Variants in FMN1 observed in about 807,000 individuals in gnomAD.
The protein encoded by FMN1 is formin 1, also known as formin-1.
A neutral mutation model predicts 132.4 loss-of-function variants in FMN1; 110 were observed. The observed-to-expected ratio is 0.83, with a 90% CI of 0.71 to 0.97. FMN1 has a LOEUF of 0.97. Ranked by LOEUF, FMN1 falls within the 50% of genes least tolerant of loss-of-function variation. FMN1 has a pLI of 0.00. For synonymous variants in FMN1, 722 were observed against 651.7 expected (o/e 1.11, Z -1.64); for missense variants, 1,792 against 1,705.3 (o/e 1.05, Z -0.90).
intron 17 of FMN1, among the ~76,000 whole-genome samples, chr15:32,824,669 C>T (rs1436821587): frequency 6.6e-6 from 1 of 152,180 alleles, no homozygotes; most frequent in African/African-American, 2.4e-5. Context: ...TCAAGGCTCA[C>T]TGGAGCCTCC....
intron 6 of FMN1, among the ~76,000 whole-genome samples, chr15:33,027,146 A>G (rs345868): frequency 0.74 from 112,290 of 151,892 alleles, 41,930 homozygotes; most frequent in African/African-American, 0.77. Context: ...GGAAGAGGTA[A>G]GCTCACATCA....
At chr15:32,873,058 A>C (rs1453957162) in intron 16 of FMN1, among the ~76,000 whole-genome samples, 1 of 152,236 alleles carries the variant, frequency 6.6e-6, no homozygotes, top group Non-Finnish European at 1.5e-5. Context: ...GCCACTGCTA[A>C]TCAGTTTGCC....
At chr15:32,919,770 T>G (rs2060776051) in intron 10 of FMN1, among the ~76,000 whole-genome samples, 1 of 152,196 alleles carries the variant, frequency 6.6e-6, no homozygotes, top group African/African-American at 2.4e-5. Flanking sequence ...AGATAAGTTA[T>G]GTTGGATTTC....
intron 4 of FMN1, among the ~76,000 whole-genome samples, chr15:33,147,621 G>A (rs2061073): frequency 0.041 from 6,307 of 152,286 alleles, 447 homozygotes; most frequent in African/African-American, 0.15. Context: ...AAAATGCACA[G>A]GCATAGAGCT....
intron 17 of FMN1, among the ~76,000 whole-genome samples, chr15:32,835,480 C>T (rs944608028): frequency 2.0e-5 from 3 of 152,278 alleles, no homozygotes; most frequent in South Asian, 2.1e-4. Context: ...AATTTCCAAA[C>T]CAAAGATGCT....
chr15:32,952,990 C>CA (rs2061687488), intron 9 of FMN1, among the ~76,000 whole-genome samples: 1 of 152,180 alleles, frequency 6.6e-6, no homozygotes, highest in Non-Finnish European at 1.5e-5. Context: ...AAGCTAAAGG[C>CA]AGTCCTCCCC....
intron 6 of FMN1, chr15:33,063,093 T>C (rs2141237843): frequency 6.6e-6 from 1 of 152,394 alleles, no homozygotes; most frequent in East Asian, 1.9e-4. Context: ...CAGGGCCTGC[T>C]GGGCGCCCAT....
chr15:33,134,741 C>T lies in FMN1; in HGVS notation c.1867+18307G>A, dbSNP rs1039168176. 2.0e-5 allele frequency among the ~76,000 whole-genome samples: 3 copies of T among 152,224 alleles called. No homozygotes were observed. The South Asian group carries it at 6.2e-4, about 32-fold the overall frequency. ...GGAAGGCCAGGTGCGGTGGCTCACG[C>T]CTATAATCCCAGCACTTTGGGAGGC... On this transcript the variant is annotated intron_variant, in intron 4 of 20. Transcript: ENST00000616417.
At chr15:32,781,403 C>T (rs567671084) in intron 19 of FMN1, among the ~76,000 whole-genome samples, 10 of 152,284 alleles carry the variant, frequency 6.6e-5, no homozygotes, top group South Asian at 2.1e-4. Flanking sequence ...CACATGCACA[C>T]GTTAGTTACA....
chr15:32,899,825 A>C, intron 14 of FMN1, 154 bp downstream of exon 14: 1 of 792,656 alleles, frequency 1.3e-6, no homozygotes. Context: ...TCGAAAGTGA[A>C]AAGAAAGCAA....
At chr15:33,141,673 G>A (rs562959423) in intron 4 of FMN1, among the ~76,000 whole-genome samples, 3 of 152,272 alleles carry the variant, frequency 2.0e-5, no homozygotes, top group African/African-American at 4.8e-5. Context: ...CTGAGCTTCC[G>A]TACTCTCACA....
At chr15:33,151,457 C>A in intron 4 of FMN1, 1 of 1,448,670 alleles carries the variant, frequency 6.9e-7, no homozygotes, top group East Asian at 2.5e-5. Context: ...TTCACCTTGT[C>A]ACTCAGTGGG....
intron 16 of FMN1, among the ~76,000 whole-genome samples, chr15:32,861,774 G>C (rs1479074993): frequency 6.6e-6 from 1 of 152,154 alleles, no homozygotes; most frequent in Admixed American, 6.5e-5. Context: ...TTTCATTCCC[G>C]TGCTGAAGTT....
intron 3 of FMN1, among the ~76,000 whole-genome samples, chr15:33,161,629 CA>C (rs1477094255): frequency 6.6e-6 from 1 of 152,116 alleles, no homozygotes; most frequent in Non-Finnish European, 1.5e-5. Flanking sequence ...ATTAAAAAAA[CA>C]AAGGAAGGCT....
chr15:32,995,527 A>G (rs142100148), intron 7 of FMN1, among the ~76,000 whole-genome samples: 220 of 152,332 alleles, frequency 1.4e-3, no homozygotes, highest in African/African-American at 4.7e-3. Flanking sequence ...AAAATAATCC[A>G]TGGTAAATGC....
intron 6 of FMN1, among the ~76,000 whole-genome samples, chr15:33,025,634 G>A (rs145855947): frequency 4.0e-4 from 61 of 152,222 alleles, no homozygotes; most frequent in East Asian, 1.4e-3. Context: ...ATTATGCGGC[G>A]TTTGTTCTAA....
intron 5 of FMN1, 25 bp downstream of exon 5, chr15:33,088,774 C>A: frequency 6.6e-7 from 1 of 1,526,058 alleles, no homozygotes; most frequent in Non-Finnish European, 8.8e-7. Flanking sequence ...AGAACCACAG[C>A]ACAATCACCA....
rs550468673 is a variant in FMN1, at chr15:32,804,551, A to G, written c.3929-219T>C. ...TAAATTATACTAAGTTCTAGGGTAC[A>G]TGTGCACTACGTGCAGGTTTGTTAC... On this transcript the variant is annotated intron_variant, in intron 17 of 20. Transcript: ENST00000616417. Among the ~76,000 whole-genome samples the G allele has an allele frequency of 1.8e-3, 270 of 148,786 alleles. 1 individual carries two copies. Among genetic ancestry groups the G allele is most frequent in the African/African-American group, 6.0e-3 (240 of 40,094 alleles).
intron 16 of FMN1, among the ~76,000 whole-genome samples, chr15:32,887,070 A>G (rs1190858345): frequency 6.6e-6 from 1 of 152,178 alleles, no homozygotes; most frequent in Non-Finnish European, 1.5e-5. Flanking sequence ...TATCCTTTCC[A>G]TGTAAGTTTT....
Sources: allele counts gnomAD v4.1 joint callset (sites outside exome capture counted in the v4.1 genomes callset), GRCh38; gene constraint gnomAD v4.1.1; transcripts MANE v1.5; gene names NCBI Gene and HGNC (gene_info 2026-07-23, HGNC 2026-07-21).